Variants in RIMS1 observed in about 807,000 individuals in gnomAD.
The protein encoded by RIMS1 is regulating synaptic membrane exocytosis protein 1.
In RIMS1, 83 loss-of-function variants were observed where a neutral mutation model predicts 214.1. That is an observed-to-expected ratio of 0.39 (90% confidence interval 0.32 to 0.47). RIMS1 has a LOEUF of 0.47. Among genes scored for constraint, RIMS1 ranks in the 20% least tolerant of loss-of-function variants. The probability of loss-of-function intolerance (pLI) is 0.99; values close to 1 mark genes in which losing one functional copy is unlikely to be tolerated. For synonymous variants in RIMS1, 793 were observed against 786.8 expected, an observed-to-expected ratio of 1.01 and a Z score of -0.13; for missense variants, 2,050 against 2,161.8, an observed-to-expected ratio of 0.95 and a Z score of 1.03.
intron 4 of RIMS1, among the ~76,000 whole-genome samples, chr6:72,138,986 A>G (rs2496550): frequency 0.98 from 149,729 of 152,300 alleles, 73,649 homozygotes; most frequent in East Asian, 1. Context: ...GAGCAGTGCT[A>G]TATTTTATAA....
At chr6:72,279,191 A>G (rs950328598) in intron 23 of RIMS1, among the ~76,000 whole-genome samples, 1 of 152,024 alleles carries the variant, frequency 6.6e-6, no homozygotes, top group Admixed American at 6.5e-5. Context: ...TAGTTATTGA[A>G]AAGGAAAAGA....
chr6:72,146,893 A>T (rs989811726), intron 4 of RIMS1, among the ~76,000 whole-genome samples: 1 of 152,214 alleles, frequency 6.6e-6, no homozygotes, highest in Non-Finnish European at 1.5e-5. Flanking sequence ...AAACCTAGTA[A>T]GTTATTTTAA....
At chr6:72,381,219 C>G (rs2098481763) in intron 29 of RIMS1, among the ~76,000 whole-genome samples, 1 of 152,080 alleles carries the variant, frequency 6.6e-6, no homozygotes, top group Non-Finnish European at 1.5e-5. Flanking sequence ...CCCCTGGTGT[C>G]TCTGTGAGGC....
At chr6:71,952,736 A>G (rs948551136) in intron 1 of RIMS1, among the ~76,000 whole-genome samples, 2 of 152,168 alleles carry the variant, frequency 1.3e-5, no homozygotes, top group African/African-American at 2.4e-5. Context: ...GAGGAGAAAT[A>G]TGAATCTCAG....
At chr6:72,121,483 G>C (rs1587519496) in intron 4 of RIMS1, among the ~76,000 whole-genome samples, 1 of 151,890 alleles carries the variant, frequency 6.6e-6, no homozygotes, top group South Asian at 2.1e-4. Context: ...GAATGCTTGT[G>C]ATTTTTGTAC....
At chr6:71,949,393 C>T (rs1788782602) in intron 1 of RIMS1, among the ~76,000 whole-genome samples, 1 of 152,106 alleles carries the variant, frequency 6.6e-6, no homozygotes, top group African/African-American at 2.4e-5. Flanking sequence ...CTCTATTCGC[C>T]ATGCATCATT....
At chr6:72,083,825 TTAAA>T (rs199550906) in intron 2 of RIMS1, among the ~76,000 whole-genome samples, 2,303 of 152,228 alleles carry the variant, frequency 0.015, 60 homozygotes, top group African/African-American at 0.051. Context: ...GGAACAGAGT[TTAAA>T]TAACTTCCTC....
At chr6:72,233,979 G>A in intron 7 of RIMS1, 139 bp downstream of exon 7, 1 of 528,162 alleles carries the variant, frequency 1.9e-6, no homozygotes, top group South Asian at 4.3e-5. Context: ...GTACAATTTT[G>A]AAGAAAAAAA....
At chr6:72,011,775 A>G (rs906152106) in intron 2 of RIMS1, among the ~76,000 whole-genome samples, 2 of 152,226 alleles carry the variant, frequency 1.3e-5, no homozygotes, top group Non-Finnish European at 2.9e-5. Flanking sequence ...CAAAACCACA[A>G]TGAGATACCA....
chr6:72,242,922 C>T (rs919628652), intron 10 of RIMS1, among the ~76,000 whole-genome samples: 1 of 151,690 alleles, frequency 6.6e-6, no homozygotes. Context: ...TAAAATCAAG[C>T]AAGAAGTATT....
chr6:72,243,307 G>A lies in RIMS1; in HGVS notation c.2081+870G>A, dbSNP rs570013270. Among the ~76,000 whole-genome samples the A allele has an allele frequency of 2.0e-5, 3 of 151,450 alleles. No homozygotes were observed. In the East Asian group the frequency reaches 5.8e-4, roughly 29 times the overall value. On this transcript the variant is annotated intron_variant, in intron 10 of 33. Transcript: ENST00000521978. ...TATGTCAATGCAAAACATACAAGAAGATATAATTATCATAATTCTCAAAGA... is the reference window on the plus strand; with the variant it reads ...TATGTCAATGCAAAACATACAAGAAAATATAATTATCATAATTCTCAAAGA...
rs1411730533 is a variant in RIMS1 at position 72,097,110 on chromosome 6, G to T, written c.407G>T (p.Arg136Leu). 6.2e-7 allele frequency: 1 copy of T among 1,613,874 alleles called. No individual in the cohort carries two copies. The highest frequency in any genetic ancestry group is 1.7e-5 in the Admixed American group (1 of 60,002). The change falls in exon 3 of 34, where the codon CGC becomes CTC. Residue 136 changes from arginine to leucine, a missense_variant. By Grantham distance (102) the Arg-to-Leu change is moderately radical. Transcript: ENST00000521978. The stretch of plus-strand genomic sequence containing the variant: ...TGCGGTCATCTCTGCTCCTATTGTC[G>T]CACTAAGTTCTGTGCGCGCTGCGGA... ...DGCGHLCSYC[R>L]TKFCARCGGR... is the part of the protein sequence containing the mutation.
intron 10 of RIMS1, among the ~76,000 whole-genome samples, chr6:72,244,860 G>T (rs1441973755): frequency 6.6e-6 from 1 of 152,018 alleles, no homozygotes; most frequent in Admixed American, 6.6e-5. Flanking sequence ...AAAAGAAAAA[G>T]TGAAGTCAGC....
intron 4 of RIMS1, among the ~76,000 whole-genome samples, chr6:72,121,237 T>C (rs2038234754): frequency 6.6e-6 from 1 of 151,888 alleles, no homozygotes; most frequent in South Asian, 2.1e-4. Flanking sequence ...TATAATTAGT[T>C]TGGGCAGTAT....
At chr6:72,052,677 AAT>A (rs1300082739) in intron 2 of RIMS1, among the ~76,000 whole-genome samples, 1 of 152,202 alleles carries the variant, frequency 6.6e-6, no homozygotes, top group Non-Finnish European at 1.5e-5. Context: ...GTGTAAAAAT[AAT>A]ATGAGATTTA....
intron 3 of RIMS1, among the ~76,000 whole-genome samples, chr6:72,098,835 GT>G (rs1309727380): frequency 6.6e-6 from 1 of 152,034 alleles, no homozygotes; most frequent in African/African-American, 2.4e-5. Context: ...CCTAATAGTG[GT>G]TTGTTATAGG....
intron 4 of RIMS1, among the ~76,000 whole-genome samples, chr6:72,176,302 C>A (rs1312751442): frequency 6.6e-6 from 1 of 152,088 alleles, no homozygotes. Flanking sequence ...AAAAAAAAAT[C>A]TGTTAAAAAT....
chr6:72,311,698 A>T (rs539077883), intron 27 of RIMS1, among the ~76,000 whole-genome samples: 1 of 152,284 alleles, frequency 6.6e-6, no homozygotes, highest in South Asian at 2.1e-4. Context: ...ACACATACAC[A>T]TGAGAGGTAA....
chr6:72,166,849 G>T (rs2046339520), intron 4 of RIMS1, among the ~76,000 whole-genome samples: 1 of 151,402 alleles, frequency 6.6e-6, no homozygotes, highest in African/African-American at 2.4e-5. Flanking sequence ...GATTTTTTTT[G>T]GATTTCCTAC....
Sources: gnomAD v4.1 joint callset for allele counts (sites outside exome capture counted in the v4.1 genomes callset) on GRCh38, gnomAD v4.1.1 for gene constraint, MANE v1.5 for transcripts, NCBI Gene and HGNC (gene_info 2026-07-23, HGNC 2026-07-21) for gene names.